FRMPD4: variants seen among roughly 807,000 people sequenced by gnomAD.
FRMPD4 encodes the protein FERM and PDZ domain-containing protein 4.
Under a neutral mutation model 94.1 loss-of-function variants are expected in FRMPD4, and 22 were observed. That is an observed-to-expected ratio of 0.23 (90% CI 0.17 to 0.33). The LOEUF is 0.33. Among genes scored for constraint, FRMPD4 ranks in the 10% least tolerant of loss-of-function variants. The pLI is 1.00. For synonymous variants in FRMPD4, 631 were observed against 548.6 expected (o/e 1.15, Z -2.10); for missense variants, 1,111 against 1,339.9 (o/e 0.83, Z 2.67).
chrX:11,928,820 T>A (rs188558671), intron 3 of FRMPD4, among the ~76,000 whole-genome samples: 5 of 112,558 alleles, frequency 4.4e-5, no homozygotes, highest in African/African-American at 1.3e-4. Context: ...TGCATGTTCA[T>A]TGCAGCACTA....
chrX:12,438,743 C>A (rs2057098917), intron 1 of FRMPD4, among the ~76,000 whole-genome samples: 1 of 111,613 alleles, frequency 9.0e-6, no homozygotes, highest in East Asian at 2.8e-4. Context: ...GCACTTTCTA[C>A]TTTCACGGCT....
At chrX:12,254,507 T>C (rs763675523) in intron 1 of FRMPD4, among the ~76,000 whole-genome samples, 1 of 111,752 alleles carries the variant, frequency 8.9e-6, no homozygotes, top group Non-Finnish European at 1.9e-5. Context: ...TCTCTAGAGA[T>C]TCTTGATGGC....
intron 2 of FRMPD4, among the ~76,000 whole-genome samples, chrX:12,550,834 T>TGTATATAA (rs56914590): frequency 0.24 from 10,577 of 44,358 alleles, 1,268 homozygotes; most frequent in African/African-American, 0.56. Context: ...TCTTTTAGAG[T>TGTATATAA]GTATATAAGA....
At chrX:11,917,394 C>T (rs999895567) in intron 3 of FRMPD4, among the ~76,000 whole-genome samples, 1 of 111,797 alleles carries the variant, frequency 8.9e-6, no homozygotes, top group African/African-American at 3.3e-5. Flanking sequence ...TACTGGGTAT[C>T]AACCCAAGGG....
chrX:12,686,168 C>A lies in FRMPD4; in HGVS notation c.645C>A (p.Thr215=). The A allele has an allele frequency of 1.7e-6, 2 of 1,172,955 alleles. No homozygotes were observed. Among genetic ancestry groups the A allele is most frequent in the Non-Finnish European group, 2.3e-6 (2 of 861,685 alleles). Residue 215 remains threonine (T), a synonymous_variant, in exon 7 of 17, where the codon ACC becomes ACA. Transcript: ENST00000675598. ...AAGTCTATCTGGAAAATGGGCAGAC[C>A]AAATCATTTCGTTTTGACTGCAGCA... ...VLKVYLENGQ[T]KSFRFDCSTS...
At chrX:12,653,722 C>G (rs2059621018) in intron 4 of FRMPD4, among the ~76,000 whole-genome samples, 1 of 98,408 alleles carries the variant, frequency 1.0e-5, no homozygotes, top group Non-Finnish European at 2.0e-5. Context: ...TATAAAATAA[C>G]TATGACTTAC....
At chrX:12,684,446 G>A (rs1047526622) in intron 6 of FRMPD4, among the ~76,000 whole-genome samples, 1 of 111,481 alleles carries the variant, frequency 9.0e-6, no homozygotes, top group Non-Finnish European at 1.9e-5. Context: ...ATACATCCTG[G>A]GCAAGGCACT....
chrX:11,856,055 G>A (rs1188170104), intron 1 of FRMPD4, among the ~76,000 whole-genome samples: 1 of 111,921 alleles, frequency 8.9e-6, no homozygotes, highest in Non-Finnish European at 1.9e-5. Context: ...ACTTATAGAG[G>A]AGGGCACCTC....
intron 1 of FRMPD4, among the ~76,000 whole-genome samples, chrX:12,450,968 G>A (rs1601957166): frequency 9.4e-6 from 1 of 105,865 alleles, no homozygotes; most frequent in East Asian, 3.0e-4. Flanking sequence ...AAAAAAAGGC[G>A]AAGTCCTCAC....
At chrX:12,715,348 A>G (rs1052342480) in intron 14 of FRMPD4, among the ~76,000 whole-genome samples, 26 of 112,262 alleles carry the variant, frequency 2.3e-4, no homozygotes, top group African/African-American at 7.7e-4. Flanking sequence ...TCTAAATATT[A>G]ATTATGCTTA....
At chrX:11,995,852 A>G in intron 3 of FRMPD4, among the ~76,000 whole-genome samples, 1 of 112,098 alleles carries the variant, frequency 8.9e-6, no homozygotes, top group South Asian at 3.7e-4. Flanking sequence ...CATAATTAAT[A>G]TCAAAATACA....
intron 2 of FRMPD4, among the ~76,000 whole-genome samples, chrX:12,580,155 G>A (rs1235371867): frequency 8.9e-6 from 1 of 112,297 alleles, no homozygotes; most frequent in African/African-American, 3.2e-5. Flanking sequence ...CAAGAGGTAA[G>A]TTTACCAGTT....
intron 4 of FRMPD4, 124 bp from the exon 5 acceptor site, chrX:12,674,739 C>A: frequency 1.8e-6 from 1 of 547,570 alleles, no homozygotes; most frequent in South Asian, 2.7e-5. Context: ...TTGGTTTACT[C>A]TATCCTGGGA....
At chrX:11,967,732 A>C (rs1489396177) in intron 3 of FRMPD4, among the ~76,000 whole-genome samples, 1 of 98,449 alleles carries the variant, frequency 1.0e-5, no homozygotes, top group Non-Finnish European at 2.0e-5. Flanking sequence ...ATTTCTAGGC[A>C]GATGTGTGTG....
At chrX:11,869,843 C>A (rs1016130258) in intron 2 of FRMPD4, among the ~76,000 whole-genome samples, 1 of 111,155 alleles carries the variant, frequency 9.0e-6, no homozygotes, top group Non-Finnish European at 1.9e-5. Context: ...AGTAAATAAA[C>A]CCCTCATGGT....
chrX:12,201,917 C>A (rs12838825), intron 1 of FRMPD4, among the ~76,000 whole-genome samples: 22,115 of 110,268 alleles, frequency 0.2, 1,627 homozygotes, highest in South Asian at 0.28. Flanking sequence ...GGCTTGTATT[C>A]TTCCAGAATT....
At chrX:12,151,365 G>A (rs1180330435) in intron 1 of FRMPD4, among the ~76,000 whole-genome samples, 1 of 110,443 alleles carries the variant, frequency 9.1e-6, no homozygotes, top group African/African-American at 3.3e-5. Flanking sequence ...GACATGAGTG[G>A]TTCTCCATGT....
intron 3 of FRMPD4, among the ~76,000 whole-genome samples, chrX:12,023,916 G>A (rs1338973020): frequency 1.8e-5 from 2 of 111,722 alleles, no homozygotes; most frequent in Admixed American, 9.5e-5. Flanking sequence ...TTTGTTCCTT[G>A]AATCTTTATT....
At chrX:12,254,143 G>A (rs774586638) in intron 1 of FRMPD4, among the ~76,000 whole-genome samples, 2 of 112,036 alleles carry the variant, frequency 1.8e-5, no homozygotes, top group Middle Eastern at 4.7e-3. Flanking sequence ...ATTGGAGGGA[G>A]GGAGGTTGAA....
Sources: allele counts gnomAD v4.1 joint callset (sites outside exome capture counted in the v4.1 genomes callset), GRCh38; gene constraint gnomAD v4.1.1; transcripts MANE v1.5; gene names NCBI Gene and HGNC (gene_info 2026-07-23, HGNC 2026-07-21).